Variants in CFAP92 observed in about 807,000 individuals in gnomAD.
The protein encoded by CFAP92 is cilia and flagella associated protein 92 (putative).
Under a neutral mutation model 106.3 loss-of-function variants are expected in CFAP92, and 86 were observed. The ratio of observed to expected loss-of-function variants is 0.81; its 90% CI spans 0.68 to 0.97. The LOEUF is 0.97. Ranked by LOEUF, CFAP92 falls within the 50% of genes least tolerant of loss-of-function variation. The probability of loss-of-function intolerance (pLI) is 0.00; values close to 1 mark genes in which losing one functional copy is unlikely to be tolerated. For missense variants in CFAP92, 1,204 were observed against 1,283.8 expected, an observed-to-expected ratio of 0.94 and a Z score of 0.95; for synonymous variants, 477 against 506.4, an observed-to-expected ratio of 0.94 and a Z score of 0.78.
intron 9 of CFAP92, among the ~76,000 whole-genome samples, chr3:128,961,216 G>T (rs1941888183): frequency 1.3e-5 from 2 of 152,096 alleles, no homozygotes; most frequent in South Asian, 4.1e-4. Context: ...TAGGCAAACG[G>T]TCTGAGGTGC....
rs1936730198 is a variant in CFAP92, at chr3:128,915,427, G to T, written c.3053C>A (p.Thr1018Lys). ...AWLTARGFQV[T>K]GLQSDTESSF... Reference sequence around the variant, plus strand: ...GCTTTCGGTGTCGCTCTGAAGACCTGTCACTTGGAATCCCCTGGCTGTGAG... The same window carrying T: ...GCTTTCGGTGTCGCTCTGAAGACCTTTCACTTGGAATCCCCTGGCTGTGAG... Residue 1018 changes from threonine to lysine, a missense_variant, in exon 14 of 16, where the codon ACA (threonine) becomes AAA (lysine). Physicochemically the swap from Thr to Lys is moderately conservative, Grantham distance 78. Coordinates refer to ENST00000645291, the MANE Select transcript of CFAP92 (RefSeq NM_001394090.1). The T allele has an allele frequency of 6.5e-7, 1 of 1,536,090 alleles. No homozygotes were observed. The highest frequency in any genetic ancestry group is 2.0e-5 in the Admixed American group (1 of 51,000).
At chr3:128,995,843 A>G (rs1301914161), upstream of CFAP92, among the ~76,000 whole-genome samples, 4 of 152,220 alleles carry the variant, frequency 2.6e-5, no homozygotes, top group Non-Finnish European at 5.9e-5. Context: ...CCAGTGGCAG[A>G]TTGTATTTTC....
At chr3:129,023,411 C>A in the CFAP92 span, among the ~76,000 whole-genome samples, 1 of 151,734 alleles carries the variant, frequency 6.6e-6, no homozygotes, top group African/African-American at 2.4e-5. Flanking sequence ...TCACTGCAAG[C>A]TCTGCCTCCT....
At chr3:129,025,593 T>C in the CFAP92 span, among the ~76,000 whole-genome samples, 1 of 152,168 alleles carries the variant, frequency 6.6e-6, no homozygotes, top group African/African-American at 2.4e-5. Context: ...GAAAGTCATA[T>C]GGTCAGAGGA....
intron 9 of CFAP92, among the ~76,000 whole-genome samples, chr3:128,949,886 C>T (rs534041501): frequency 3.1e-4 from 47 of 152,204 alleles, no homozygotes; most frequent in African/African-American, 1.1e-3. Flanking sequence ...AGGGTTTCCC[C>T]CATGTTGGCC....
At chr3:128,942,916 CTTT>C (rs36073693) in intron 10 of CFAP92, among the ~76,000 whole-genome samples, 2,091 of 84,886 alleles carry the variant, frequency 0.025, 20 homozygotes, top group South Asian at 0.095. Flanking sequence ...AAAACTCAAC[CTTT>C]TTTTTTTTTT....
chr3:128,922,548 G>C (rs1203362890), intron 12 of CFAP92, among the ~76,000 whole-genome samples: 2 of 152,176 alleles, frequency 1.3e-5, no homozygotes, highest in Non-Finnish European at 2.9e-5. Flanking sequence ...TATTTGTACA[G>C]TAACTATTCA....
chr3:128,914,784 A>C, intron 15 of CFAP92: 3 of 223,742 alleles, frequency 1.3e-5, no homozygotes, highest in East Asian at 9.7e-5. Context: ...CTGGACACCT[A>C]GAGATCAGTC....
At position 128,910,274 on chromosome 3, in the gene CFAP92, G is replaced by A. The variant is rs751005858; in HGVS notation, c.*25C>T. ...GGAGGCTGTGCAGGTTCACCATGCG[G>A]TGGCCGTGGGAGGGTCTGTGCTGCT... On this transcript the variant is annotated 3_prime_UTR_variant, in exon 16 of 16. Coordinates refer to ENST00000645291, the MANE Select transcript of CFAP92 (RefSeq NM_001394090.1). 1 of 1,529,560 alleles carries A rather than the reference G, an allele frequency of 6.5e-7. No individual in the cohort carries two copies. Among genetic ancestry groups the A allele is most frequent in the Admixed American group, 2.0e-5 (1 of 51,016 alleles). 94.7% of individuals were successfully genotyped at this position (1,529,560 alleles called of 1,614,324 possible).
the CFAP92 span, among the ~76,000 whole-genome samples, chr3:129,025,982 G>A: frequency 3.3e-5 from 5 of 152,300 alleles, no homozygotes; most frequent in Admixed American, 6.5e-5. Context: ...GGAGCCTCCC[G>A]CCTGAGTGCA....
chr3:128,976,769 A>G (rs773929926), intron 6 of CFAP92, among the ~76,000 whole-genome samples: 15 of 152,344 alleles, frequency 9.8e-5, no homozygotes, highest in South Asian at 6.2e-4. Flanking sequence ...CATTATGAGG[A>G]TCAAATGAGA....
At chr3:129,007,240 T>C (rs1945113162), upstream of CFAP92, among the ~76,000 whole-genome samples, 1 of 152,218 alleles carries the variant, frequency 6.6e-6, no homozygotes, top group African/African-American at 2.4e-5. Context: ...AATTCACCTC[T>C]GCTTTTGCTT....
Position 128,987,692 on chromosome 3 carries a change from C to T in CFAP92, c.591G>A (p.Lys197=). 1 of 1,613,946 alleles carries T rather than the reference C, an allele frequency of 6.2e-7. No individual in the cohort carries two copies. The highest frequency in any genetic ancestry group is 1.1e-5 in the South Asian group (1 of 91,010). The change falls in exon 4 of 16, where the codon AAG becomes AAA. Residue 197 remains lysine, a synonymous_variant. Coordinates refer to ENST00000645291, the MANE Select transcript of CFAP92 (RefSeq NM_001394090.1). ...ITLRLWNTKD[K]MSRKVRYYRL... is the part of the protein sequence containing the mutation. ...GGTAATATCTGACTTTTCTTGACATCTTGTCTTTAGTGTTCCAGAGCCTCA... is the reference window on the plus strand; with the variant it reads ...GGTAATATCTGACTTTTCTTGACATTTTGTCTTTAGTGTTCCAGAGCCTCA...
intron 4 of CFAP92, among the ~76,000 whole-genome samples, chr3:128,985,878 C>T (rs142501434): frequency 6.6e-6 from 1 of 152,322 alleles, no homozygotes; most frequent in African/African-American, 2.4e-5. Flanking sequence ...GAACATCTGG[C>T]AATGTCTGAA....
At chr3:129,003,447 C>CCGG (rs1206603828), upstream of CFAP92, 1 of 266,576 alleles carries the variant, frequency 3.8e-6, no homozygotes, top group East Asian at 1.8e-4. Context: ...GAACCGCCAC[C>CCGG]CGGCAGGCTG....
intron 9 of CFAP92, among the ~76,000 whole-genome samples, chr3:128,959,982 T>A (rs1268253158): frequency 6.6e-6 from 1 of 152,194 alleles, no homozygotes; most frequent in Middle Eastern, 3.2e-3. Flanking sequence ...AACTGATCAA[T>A]GTACTTTGTA....
intron 10 of CFAP92, among the ~76,000 whole-genome samples, chr3:128,942,432 T>C (rs1163950336): frequency 6.6e-6 from 1 of 152,214 alleles, no homozygotes; most frequent in Non-Finnish European, 1.5e-5. Flanking sequence ...GCAGGCTGGC[T>C]GACCGCCTAC....
At chr3:128,938,388 C>T (rs184179523) in intron 10 of CFAP92, among the ~76,000 whole-genome samples, 1 of 152,028 alleles carries the variant, frequency 6.6e-6, no homozygotes, top group East Asian at 1.9e-4. Context: ...CCATAAAGGA[C>T]ATCTACAAAA....
At position 128,965,680 on chromosome 3, in the gene CFAP92, A is replaced by G; in HGVS notation, c.1184T>C (p.Val395Ala). The change falls in exon 9 of 16, where the codon GTG becomes GCG. Residue 395 changes from valine (V) to alanine (A), a missense_variant. Val to Ala is a moderately conservative substitution (Grantham distance 64). Coordinates refer to ENST00000645291, the MANE Select transcript of CFAP92 (RefSeq NM_001394090.1). The stretch of plus-strand genomic sequence containing the variant: ...GGCAGACTTCTCACTGCCACGACTC[A>G]CGACAGTTTGCCATCCTGGGGGAAA... ...MPLLAGWQTV[V>A]SRGSEKSANI... 2 of 398,914 alleles carry G rather than the reference A, an allele frequency of 5.0e-6. No individual in the cohort carries two copies. Among genetic ancestry groups the G allele is most frequent in the East Asian group, 3.6e-5 (1 of 28,072 alleles). 24.7% of individuals were successfully genotyped at this position (398,914 alleles called of 1,614,324 possible). A position where few individuals can be genotyped will look rare whatever the true frequency, so the allele number is the denominator to read the frequency against.
Sources: allele counts gnomAD v4.1 joint callset (sites outside exome capture counted in the v4.1 genomes callset), GRCh38; gene constraint gnomAD v4.1.1; transcripts MANE v1.5; gene names NCBI Gene and HGNC (gene_info 2026-07-23, HGNC 2026-07-21).